DGKB: variants seen among roughly 807,000 people sequenced by gnomAD.
DGKB encodes the protein 90 kDa diacylglycerol kinase.
A neutral mutation model predicts 114.3 loss-of-function variants in DGKB; 67 were observed. The ratio of observed to expected loss-of-function variants is 0.59; its 90% CI spans 0.48 to 0.72. The LOEUF (loss-of-function observed/expected upper bound fraction) is 0.72, where lower values mean the gene tolerates loss of function less well. Ranked by LOEUF, DGKB falls within the 30% of genes least tolerant of loss-of-function variation. The probability of loss-of-function intolerance (pLI) is 0.00; values close to 1 mark genes in which losing one functional copy is unlikely to be tolerated. For missense variants in DGKB, 907 were observed against 975.2 expected, an observed-to-expected ratio of 0.93 and a Z score of 0.93; for synonymous variants, 398 against 323.1, an observed-to-expected ratio of 1.23 and a Z score of -2.49.
At chr7:14,754,650 A>G (rs1834608303) in intron 3 of DGKB, among the ~76,000 whole-genome samples, 1 of 152,118 alleles carries the variant, frequency 6.6e-6, no homozygotes, top group African/African-American at 2.4e-5. Flanking sequence ...TCAGGAGACT[A>G]TTTACATGGC....
chr7:14,795,177 A>G (rs1018924789), intron 2 of DGKB, among the ~76,000 whole-genome samples: 2 of 152,220 alleles, frequency 1.3e-5, no homozygotes, highest in Non-Finnish European at 2.9e-5. Flanking sequence ...TCTGGAGAAC[A>G]TGTACGAAAT....
rs576858654 is a variant in DGKB at position 14,953,188 on chromosome 7, AAAG to A, written c.-188+21505_-188+21507del. Among the ~76,000 whole-genome samples, 650 of 152,220 alleles carry A rather than the reference AAAG, an allele frequency of 4.3e-3. 7 individuals are homozygous for A. Among genetic ancestry groups the A allele is most frequent in the African/African-American group, 0.014 (602 of 41,568 alleles). On this transcript the variant is annotated intron_variant, in intron 1 of 4. Coordinates refer to the DGKB transcript ENST00000437998. ...ATACTTTACTAAAACATAAGCAAAA[AAAG>A]AAAATATGTAAGTGAACAGGACTTC...
At chr7:14,768,874 AT>A (rs1836855791) in intron 2 of DGKB, among the ~76,000 whole-genome samples, 1 of 151,936 alleles carries the variant, frequency 6.6e-6, no homozygotes, top group African/African-American at 2.4e-5. Flanking sequence ...TTCACAATCT[AT>A]GTTCTTACAT....
chr7:14,453,800 A>T (rs1831877578), intron 21 of DGKB, among the ~76,000 whole-genome samples: 1 of 152,142 alleles, frequency 6.6e-6, no homozygotes, highest in African/African-American at 2.4e-5. Context: ...GATAGCAGAA[A>T]AACAAGTGAC....
chr7:14,414,967 T>A (rs1036304847), intron 21 of DGKB, among the ~76,000 whole-genome samples: 5 of 151,922 alleles, frequency 3.3e-5, no homozygotes, highest in African/African-American at 4.8e-5. Context: ...TTTCAAGACT[T>A]TCTGATGTGA....
chr7:14,535,430 C>T (rs1250157133), intron 20 of DGKB, among the ~76,000 whole-genome samples: 1 of 149,264 alleles, frequency 6.7e-6, no homozygotes, highest in Non-Finnish European at 1.5e-5. Context: ...GAAGAAGTAT[C>T]TCAAATCAAC....
intron 5 of DGKB, among the ~76,000 whole-genome samples, chr7:14,722,535 C>G (rs920090758): frequency 2.6e-4 from 40 of 152,054 alleles, no homozygotes; most frequent in Non-Finnish European, 4.9e-4. Flanking sequence ...AAAGCTTGGC[C>G]AGGCACCGGA....
chr7:14,304,087 A>ACACACACT (rs140836395), intron 23 of DGKB, among the ~76,000 whole-genome samples: 15 of 110,122 alleles, frequency 1.4e-4, no homozygotes, highest in Non-Finnish European at 1.8e-4. Flanking sequence ...ACACACACAC[A>ACACACACT]CTCTCTCTCT....
intron 13 of DGKB, among the ~76,000 whole-genome samples, chr7:14,649,219 G>T (rs948831296): frequency 6.7e-6 from 1 of 149,522 alleles, no homozygotes; most frequent in Non-Finnish European, 1.5e-5. Flanking sequence ...TGAAATGAAG[G>T]AAAAAATGTT....
At chr7:14,871,826 C>T (rs1043839019) in intron 1 of DGKB, among the ~76,000 whole-genome samples, 4 of 152,138 alleles carry the variant, frequency 2.6e-5, no homozygotes, top group African/African-American at 4.8e-5. Flanking sequence ...TGGATGGCAT[C>T]ATGCAGACAT....
chr7:14,747,922 G>A (rs920146277), intron 4 of DGKB, among the ~76,000 whole-genome samples: 3 of 152,106 alleles, frequency 2.0e-5, no homozygotes, highest in Non-Finnish European at 2.9e-5. Context: ...CTCAGATGTC[G>A]CTGCCAAATT....
At chr7:14,283,195 C>T (rs1319423418) in intron 23 of DGKB, among the ~76,000 whole-genome samples, 1 of 151,696 alleles carries the variant, frequency 6.6e-6, no homozygotes. Context: ...GTGCAAAAAT[C>T]ACAAGCATTC....
chr7:14,263,518 C>G (rs371686122), intron 23 of DGKB, among the ~76,000 whole-genome samples: 2 of 152,172 alleles, frequency 1.3e-5, no homozygotes, highest in East Asian at 3.9e-4. Flanking sequence ...ATGACATGCT[C>G]TCCTTACATG....
chr7:14,427,234 G>A (rs962238532), intron 21 of DGKB, among the ~76,000 whole-genome samples: 4 of 152,036 alleles, frequency 2.6e-5, no homozygotes, highest in African/African-American at 4.8e-5. Context: ...CTGAACAGGG[G>A]CAAAATGCCA....
intron 22 of DGKB, among the ~76,000 whole-genome samples, chr7:14,339,757 C>G (rs182269607): frequency 6.6e-6 from 1 of 151,750 alleles, no homozygotes; most frequent in Non-Finnish European, 1.5e-5. Context: ...GAGATATAAG[C>G]GCTTTGTTTT....
intron 23 of DGKB, among the ~76,000 whole-genome samples, chr7:14,217,718 C>T (rs979215017): frequency 2.6e-5 from 4 of 151,950 alleles, no homozygotes; most frequent in Non-Finnish European, 4.4e-5. Context: ...GAATATTTTC[C>T]ACATGGAGCT....
At chr7:14,945,880 T>A (rs1272948138) in intron 1 of DGKB, among the ~76,000 whole-genome samples, 1 of 151,774 alleles carries the variant, frequency 6.6e-6, no homozygotes, top group East Asian at 1.9e-4. Flanking sequence ...ATTTTATTTA[T>A]AGTAGACAAG....
intron 20 of DGKB, among the ~76,000 whole-genome samples, chr7:14,503,008 A>G (rs1336928699): frequency 6.6e-6 from 1 of 152,112 alleles, no homozygotes; most frequent in African/African-American, 2.4e-5. Context: ...TGAGAGGACT[A>G]GCTCTTTCTT....
At chr7:14,765,462 T>C (rs1458241648) in intron 2 of DGKB, among the ~76,000 whole-genome samples, 1 of 152,074 alleles carries the variant, frequency 6.6e-6, no homozygotes, top group East Asian at 1.9e-4. Context: ...CTCCTTTTCA[T>C]ATTTATTATC....
Sources: allele counts gnomAD v4.1 joint callset (sites outside exome capture counted in the v4.1 genomes callset), GRCh38; gene constraint gnomAD v4.1.1; transcripts MANE v1.5; gene names NCBI Gene and HGNC (gene_info 2026-07-23, HGNC 2026-07-21).